CCDC171: variants seen among roughly 807,000 people sequenced by gnomAD.
CCDC171 encodes the protein coiled-coil domain containing 171, also known as coiled-coil domain-containing protein 171.
Under a neutral mutation model 168.2 loss-of-function variants are expected in CCDC171, and 177 were observed. The ratio of observed to expected loss-of-function variants is 1.05; its 90% CI spans 0.93 to 1.19. The LOEUF (loss-of-function observed/expected upper bound fraction) is 1.19, where lower values mean the gene tolerates loss of function less well. CCDC171 is among the 50% of genes most tolerant of loss of function. The pLI is 0.00. For synonymous variants in CCDC171, 687 were observed against 540.8 expected (o/e 1.27, Z -3.75); for missense variants, 1,991 against 1,539.0 (o/e 1.29, Z -4.91).
At chr9:15,700,226 C>T (rs971499177) in intron 11 of CCDC171, among the ~76,000 whole-genome samples, 4 of 152,238 alleles carry the variant, frequency 2.6e-5, no homozygotes, top group African/African-American at 2.4e-5. Flanking sequence ...TCGAGCACAG[C>T]GCCGGTGGGC....
intron 11 of CCDC171, among the ~76,000 whole-genome samples, chr9:15,714,907 CAG>C: frequency 6.6e-6 from 1 of 152,328 alleles, no homozygotes; most frequent in East Asian, 1.9e-4. Context: ...TAGCCAATGT[CAG>C]TGATCTCTGT....
intron 4 of CCDC171, among the ~76,000 whole-genome samples, chr9:16,021,962 T>A (rs907180205): frequency 6.6e-5 from 10 of 152,220 alleles, no homozygotes; most frequent in Non-Finnish European, 1.2e-4. Context: ...GGGTTGTTTG[T>A]TACTGCAGCC....
intron 24 of CCDC171, among the ~76,000 whole-genome samples, chr9:15,913,552 A>T (rs1824035161): frequency 6.6e-6 from 1 of 151,836 alleles, no homozygotes; most frequent in African/African-American, 2.4e-5. Flanking sequence ...GATTTTACTT[A>T]TTTCTTGTCT....
chr9:15,588,567 CA>C, intron 4 of CCDC171: 2 of 332,988 alleles, frequency 6.0e-6, no homozygotes, highest in South Asian at 3.4e-5. Flanking sequence ...ATGGAGATGC[CA>C]AAACAGACCA....
chr9:15,621,818 A>T (rs773158494), intron 6 of CCDC171, among the ~76,000 whole-genome samples: 18 of 152,218 alleles, frequency 1.2e-4, no homozygotes, highest in Non-Finnish European at 1.9e-4. Flanking sequence ...TACCACAAAG[A>T]CACGTGGCAT....
At chr9:15,729,541 A>G in intron 15 of CCDC171, 69 bp from the exon 16 acceptor site, 1 of 950,888 alleles carries the variant, frequency 1.1e-6, no homozygotes, top group East Asian at 2.5e-5. Flanking sequence ...TGGGTATTTT[A>G]TTGGGGGAGA....
chr9:15,802,137 C>T (rs114054246), intron 21 of CCDC171, among the ~76,000 whole-genome samples: 3,785 of 151,242 alleles, frequency 0.025, 169 homozygotes, highest in African/African-American at 0.087. Context: ...TATTGGTTTC[C>T]GGAAGTTTGA....
intron 21 of CCDC171, among the ~76,000 whole-genome samples, chr9:15,800,059 C>T (rs1001337038): frequency 6.6e-6 from 1 of 152,078 alleles, no homozygotes; most frequent in African/African-American, 2.4e-5. Context: ...CTATTGTGAA[C>T]AGAGCTATGA....
At chr9:15,839,372 A>C (rs919882817) in intron 21 of CCDC171, among the ~76,000 whole-genome samples, 4 of 152,144 alleles carry the variant, frequency 2.6e-5, no homozygotes, top group Non-Finnish European at 5.9e-5. Flanking sequence ...TTTATGGAAA[A>C]TCTGAAGACG....
chr9:15,589,251 C>G (rs2041816272), intron 4 of CCDC171, among the ~76,000 whole-genome samples: 1 of 152,106 alleles, frequency 6.6e-6, no homozygotes, highest in African/African-American at 2.4e-5. Context: ...TTTTTATGTC[C>G]TCTTCTCCCT....
At chr9:15,674,931 C>T (rs1424853684) in intron 9 of CCDC171, among the ~76,000 whole-genome samples, 1 of 152,066 alleles carries the variant, frequency 6.6e-6, no homozygotes, top group Non-Finnish European at 1.5e-5. Flanking sequence ...CCTTCTGTCT[C>T]GTTGATCTGT....
chr9:15,710,200 C>G (rs1448909544), intron 11 of CCDC171, among the ~76,000 whole-genome samples: 2 of 152,066 alleles, frequency 1.3e-5, no homozygotes, highest in East Asian at 3.8e-4. Flanking sequence ...TCTTGTATAT[C>G]TCATATAATA....
chr9:15,636,409 T>G (rs950390071), intron 7 of CCDC171, among the ~76,000 whole-genome samples: 1 of 152,074 alleles, frequency 6.6e-6, no homozygotes, highest in African/African-American at 2.4e-5. Flanking sequence ...TTCATTATAT[T>G]TTATATCATC....
rs905851536 is a variant in CCDC171 at position 15,969,929 on chromosome 9, C to A, written c.3754-1680C>A. ...CAGGTTCTGAGCTGAGATGATCAGG[C>A]CCAGCATTAAGGTTCTGCAAGCAAA... On this transcript the variant is annotated intron_variant, in intron 25 of 25. Transcript: ENST00000380701. 2.6e-5 allele frequency among the ~76,000 whole-genome samples: 4 copies of A among 152,098 alleles called. No homozygotes were observed. In the East Asian group the frequency reaches 5.8e-4, roughly 22 times the overall value.
the CCDC171 span, among the ~76,000 whole-genome samples, chr9:16,095,254 G>C: frequency 1.5e-4 from 23 of 152,164 alleles, no homozygotes; most frequent in Admixed American, 6.5e-4. Flanking sequence ...TCTGAGCAAG[G>C]CAAGGACACA....
chr9:15,643,378 A>G (rs1205534610), intron 7 of CCDC171, among the ~76,000 whole-genome samples: 1 of 152,138 alleles, frequency 6.6e-6, no homozygotes, highest in Non-Finnish European at 1.5e-5. Flanking sequence ...TGTGGGCTAA[A>G]CATAATAATT....
chr9:15,804,571 C>T (rs1379509294), intron 21 of CCDC171, among the ~76,000 whole-genome samples: 1 of 151,946 alleles, frequency 6.6e-6, no homozygotes, highest in Non-Finnish European at 1.5e-5. Context: ...ACCTTGCATC[C>T]TGGGGATGAA....
intron 7 of CCDC171, among the ~76,000 whole-genome samples, chr9:15,656,479 A>G (rs1314091091): frequency 6.6e-6 from 1 of 152,264 alleles, no homozygotes; most frequent in Non-Finnish European, 1.5e-5. Flanking sequence ...ACTGGAAACA[A>G]GTCAAATGTC....
At chr9:15,704,316 A>T (rs1018903525) in intron 11 of CCDC171, among the ~76,000 whole-genome samples, 1 of 152,238 alleles carries the variant, frequency 6.6e-6, no homozygotes, top group Non-Finnish European at 1.5e-5. Flanking sequence ...TGAGCCTAGG[A>T]GTTCAAGTCC....
Sources: gnomAD v4.1 joint callset for allele counts (sites outside exome capture counted in the v4.1 genomes callset) on GRCh38, gnomAD v4.1.1 for gene constraint, MANE v1.5 for transcripts, NCBI Gene and HGNC (gene_info 2026-07-23, HGNC 2026-07-21) for gene names.